Variants in BNC2 observed in about 807,000 individuals in gnomAD.
BNC2 encodes the protein zinc finger protein basonuclin-2.
A neutral mutation model predicts 76.3 loss-of-function variants in BNC2; 20 were observed. The ratio of observed to expected loss-of-function variants is 0.26; its 90% CI spans 0.18 to 0.38. The LOEUF is 0.38. Ranked by LOEUF, BNC2 falls within the 10% of genes least tolerant of loss-of-function variation. The pLI is 1.00. For missense variants in BNC2, 1,382 were observed against 1,399.8 expected (o/e 0.99, Z 0.20); for synonymous variants, 582 against 514.8 (o/e 1.13, Z -1.77).
intron 5 of BNC2, among the ~76,000 whole-genome samples, chr9:16,481,777 AAAAG>A (rs968657048): frequency 1.9e-4 from 24 of 127,526 alleles, no homozygotes; most frequent in Admixed American, 1.3e-3. Context: ...ATATATTTGG[AAAAG>A]AAAGTACAGA....
chr9:16,425,806 G>C (rs769425813), intron 6 of BNC2, among the ~76,000 whole-genome samples: 6 of 152,212 alleles, frequency 3.9e-5, no homozygotes, highest in Non-Finnish European at 8.8e-5. Flanking sequence ...TGTCATTGCT[G>C]TGGAATGCAT....
chr9:16,779,872 C>CGG (rs1563939538), intron 1 of BNC2, among the ~76,000 whole-genome samples: 1 of 152,048 alleles, frequency 6.6e-6, no homozygotes, highest in African/African-American at 2.4e-5. Flanking sequence ...CTAAAGGGTA[C>CGG]GGGTTTCTTT....
intron 1 of BNC2, among the ~76,000 whole-genome samples, chr9:16,838,357 TCAGCCTGG>T (rs1227090950): frequency 1.3e-5 from 2 of 152,126 alleles, no homozygotes; most frequent in African/African-American, 4.8e-5. Flanking sequence ...GAGTTCAAGA[TCAGCCTGG>T]CCAACATGGA....
intron 4 of BNC2, among the ~76,000 whole-genome samples, chr9:16,560,206 G>A (rs1296195772): frequency 6.6e-6 from 1 of 152,186 alleles, no homozygotes; most frequent in African/African-American, 2.4e-5. Flanking sequence ...CTACTGGCCA[G>A]GACCATACTC....
chr9:16,438,308 A>G (rs1364645605), intron 5 of BNC2, among the ~76,000 whole-genome samples: 1 of 152,224 alleles, frequency 6.6e-6, no homozygotes, highest in African/African-American at 2.4e-5. Context: ...ATAGATATTT[A>G]AAAAGTAAAC....
At chr9:16,620,547 T>C (rs1587243392) in intron 3 of BNC2, among the ~76,000 whole-genome samples, 1 of 152,252 alleles carries the variant, frequency 6.6e-6, no homozygotes, top group East Asian at 1.9e-4. Context: ...CTACTGAAAC[T>C]TCTACATACA....
At chr9:16,525,680 G>T (rs1384203799) in intron 5 of BNC2, among the ~76,000 whole-genome samples, 2 of 152,124 alleles carry the variant, frequency 1.3e-5, no homozygotes, top group Non-Finnish European at 2.9e-5. Context: ...AAAGAATGAG[G>T]TAGCTCTTTA....
chr9:16,667,373 T>C (rs1822331674), intron 3 of BNC2, among the ~76,000 whole-genome samples: 1 of 152,202 alleles, frequency 6.6e-6, no homozygotes, highest in Non-Finnish European at 1.5e-5. Context: ...CATGATCTCC[T>C]CAACTGAGAT....
At chr9:16,508,215 A>G (rs1222811666) in intron 5 of BNC2, among the ~76,000 whole-genome samples, 1 of 152,208 alleles carries the variant, frequency 6.6e-6, no homozygotes, top group East Asian at 1.9e-4. Context: ...CCCTAAAAGG[A>G]GACTTACTTA....
At chr9:16,679,962 G>C (rs995222672) in intron 3 of BNC2, among the ~76,000 whole-genome samples, 1 of 152,126 alleles carries the variant, frequency 6.6e-6, no homozygotes, top group Non-Finnish European at 1.5e-5. Context: ...TTTTCCACAG[G>C]GATCTGTTTG....
intron 5 of BNC2, among the ~76,000 whole-genome samples, chr9:16,530,156 T>G (rs957467243): frequency 6.6e-6 from 1 of 151,992 alleles, no homozygotes; most frequent in Non-Finnish European, 1.5e-5. Flanking sequence ...AGTGAAGTGT[T>G]TTTTGTTTTT....
At chr9:16,858,613 G>A (rs370456125) in intron 1 of BNC2, among the ~76,000 whole-genome samples, 1 of 152,288 alleles carries the variant, frequency 6.6e-6, no homozygotes, top group African/African-American at 2.4e-5. Flanking sequence ...GGGAGGCCGA[G>A]GCGGGTGGAT....
intron 5 of BNC2, among the ~76,000 whole-genome samples, chr9:16,545,475 G>C (rs2132436950): frequency 6.6e-6 from 1 of 152,236 alleles, no homozygotes; most frequent in South Asian, 2.1e-4. Context: ...GGTGAATAAA[G>C]ACACGGGCCT....
chr9:16,528,606 T>C lies in BNC2; in HGVS notation c.669+23924A>G, dbSNP rs1231966239. On this transcript the variant is annotated intron_variant, in intron 5 of 6. Transcript: ENST00000380672. Reference sequence around the variant, plus strand: ...ACCCAAAATACAATAGTTTTAGAAGTACCTACATAATGACCTGGCAATTCT... The same window carrying C: ...ACCCAAAATACAATAGTTTTAGAAGCACCTACATAATGACCTGGCAATTCT... Among the ~76,000 whole-genome samples the C allele has an allele frequency of 3.9e-5, 6 of 152,310 alleles. No homozygotes were observed. In the East Asian group the frequency reaches 9.6e-4, roughly 24 times the overall value.
At chr9:16,734,441 A>C (rs1325070853) in intron 2 of BNC2, among the ~76,000 whole-genome samples, 1 of 37,644 alleles carries the variant, frequency 2.7e-5, no homozygotes, top group Non-Finnish European at 6.7e-5. Flanking sequence ...AGCCTCAATC[A>C]CTGGCCCCTC....
chr9:16,546,198 C>T (rs1487586611), intron 5 of BNC2, among the ~76,000 whole-genome samples: 1 of 152,176 alleles, frequency 6.6e-6, no homozygotes, highest in African/African-American at 2.4e-5. Flanking sequence ...ACATACATTT[C>T]ATCTATATTA....
intron 5 of BNC2, among the ~76,000 whole-genome samples, chr9:16,486,171 G>A: frequency 6.6e-6 from 1 of 152,206 alleles, no homozygotes. Flanking sequence ...ACTTAGAAGA[G>A]TCAAAACAAC....
At chr9:16,556,069 G>A (rs942669539) in intron 4 of BNC2, among the ~76,000 whole-genome samples, 1 of 152,088 alleles carries the variant, frequency 6.6e-6, no homozygotes, top group African/African-American at 2.4e-5. Context: ...GGAGGCCAAG[G>A]CAGGAGAATT....
At chr9:16,520,855 A>C (rs955659712) in intron 5 of BNC2, among the ~76,000 whole-genome samples, 16 of 152,264 alleles carry the variant, frequency 1.1e-4, no homozygotes, top group African/African-American at 3.6e-4. Context: ...TCAGTATGGC[A>C]CAAGCATAGC....
Sources: gnomAD v4.1 joint callset for allele counts (sites outside exome capture counted in the v4.1 genomes callset) on GRCh38, gnomAD v4.1.1 for gene constraint, MANE v1.5 for transcripts, NCBI Gene and HGNC (gene_info 2026-07-23, HGNC 2026-07-21) for gene names.